SGCD: variants seen among roughly 807,000 people sequenced by gnomAD.
SGCD encodes the protein delta-sarcoglycan.
Under a neutral mutation model 36.6 loss-of-function variants are expected in SGCD, and 18 were observed. That is an observed-to-expected ratio of 0.49 (90% CI 0.34 to 0.73). The LOEUF (loss-of-function observed/expected upper bound fraction) is 0.73. Ranked by LOEUF, SGCD falls within the 30% of genes least tolerant of loss-of-function variation. The pLI, the probability that SGCD is intolerant of heterozygous loss-of-function variation, is 0.01. For synonymous variants in SGCD, 133 were observed against 130.6 expected, an observed-to-expected ratio of 1.02 and a Z score of -0.12; for missense variants, 387 against 346.7, an observed-to-expected ratio of 1.12 and a Z score of -0.92.
At chr5:155,814,441 G>A in the SGCD span, among the ~76,000 whole-genome samples, 1 of 152,140 alleles carries the variant, frequency 6.6e-6, no homozygotes, top group Admixed American at 6.5e-5. Flanking sequence ...TTATTAATAA[G>A]AGAATTGAAC....
intron 1 of SGCD, among the ~76,000 whole-genome samples, chr5:156,037,437 C>T (rs1393580433): frequency 1.3e-5 from 2 of 152,190 alleles, no homozygotes; most frequent in African/African-American, 2.4e-5. Flanking sequence ...TCTTTGCATT[C>T]CCCTGATGGC....
At chr5:156,380,963 C>T (rs978256862) in intron 3 of SGCD, among the ~76,000 whole-genome samples, 3 of 152,182 alleles carry the variant, frequency 2.0e-5, no homozygotes, top group African/African-American at 7.2e-5. Flanking sequence ...GACACCGTTT[C>T]AGTAACTTAG....
At chr5:156,003,379 G>T (rs982014979) in intron 1 of SGCD, among the ~76,000 whole-genome samples, 2 of 152,204 alleles carry the variant, frequency 1.3e-5, no homozygotes, top group Non-Finnish European at 2.9e-5. Context: ...AATTCTGGAA[G>T]TGTGAACAAT....
At chr5:156,683,306 T>G (rs1383730085) in intron 7 of SGCD, among the ~76,000 whole-genome samples, 1 of 152,230 alleles carries the variant, frequency 6.6e-6, no homozygotes, top group African/African-American at 2.4e-5. Context: ...TAGGTGTATT[T>G]CCTTCATCTT....
intron 5 of SGCD, among the ~76,000 whole-genome samples, chr5:156,592,644 C>G (rs182850208): frequency 4.4e-4 from 67 of 152,242 alleles, no homozygotes; most frequent in Non-Finnish European, 4.6e-4. Flanking sequence ...GAGCTCCATT[C>G]CAGACTGAGA....
intron 3 of SGCD, among the ~76,000 whole-genome samples, chr5:156,220,112 T>A (rs962355816): frequency 5.9e-5 from 9 of 152,220 alleles, no homozygotes; most frequent in Non-Finnish European, 1.0e-4. Context: ...TATACATATT[T>A]AAGAATTCAT....
chr5:156,111,917 T>G (rs543024675), intron 1 of SGCD, among the ~76,000 whole-genome samples: 1 of 152,200 alleles, frequency 6.6e-6, no homozygotes, highest in Admixed American at 6.5e-5. Flanking sequence ...TAGCCAAGAC[T>G]ACAGGCACGT....
chr5:156,390,782 T>C (rs1251927800), intron 3 of SGCD, among the ~76,000 whole-genome samples: 1 of 152,106 alleles, frequency 6.6e-6, no homozygotes, highest in Non-Finnish European at 1.5e-5. Flanking sequence ...ATAAAACTTA[T>C]AGAATAAGGG....
At chr5:156,135,855 AT>A (rs1762442915) in intron 3 of SGCD, among the ~76,000 whole-genome samples, 1 of 152,166 alleles carries the variant, frequency 6.6e-6, no homozygotes, top group South Asian at 2.1e-4. Context: ...TATATTTTAG[AT>A]TCCTGAAGGT....
At chr5:156,079,241 G>A (rs541562024) in intron 1 of SGCD, among the ~76,000 whole-genome samples, 3 of 152,012 alleles carry the variant, frequency 2.0e-5, no homozygotes, top group South Asian at 2.1e-4. Flanking sequence ...ACTGAGCCAC[G>A]AGGGATCTGC....
the SGCD span, among the ~76,000 whole-genome samples, chr5:155,851,682 C>T: frequency 3.3e-5 from 5 of 152,206 alleles, no homozygotes; most frequent in African/African-American, 1.2e-4. Flanking sequence ...GGCCCTTCTC[C>T]ACTTTTTCCA....
chr5:155,789,828 T>C, the SGCD span, among the ~76,000 whole-genome samples: 1 of 152,120 alleles, frequency 6.6e-6, no homozygotes, highest in South Asian at 2.1e-4. Context: ...GTTAAATTAT[T>C]TGCCACACGT....
chr5:156,385,851 T>C (rs1320122142), intron 3 of SGCD, among the ~76,000 whole-genome samples: 2 of 152,372 alleles, frequency 1.3e-5, no homozygotes, highest in South Asian at 2.1e-4. Context: ...TGCTAAGTGA[T>C]ATTTACATGT....
chr5:156,174,104 G>T (rs1396850676), intron 3 of SGCD, among the ~76,000 whole-genome samples: 1 of 152,210 alleles, frequency 6.6e-6, no homozygotes, highest in Non-Finnish European at 1.5e-5. Flanking sequence ...TTTACTATGT[G>T]CTGGCTGCCG....
At chr5:156,532,704 G>T (rs1233808493) in intron 4 of SGCD, among the ~76,000 whole-genome samples, 1 of 152,094 alleles carries the variant, frequency 6.6e-6, no homozygotes, top group Non-Finnish European at 1.5e-5. Context: ...CTCATGATCT[G>T]CCCACCTCGG....
chr5:156,493,724 T>A (rs898435353), intron 3 of SGCD, among the ~76,000 whole-genome samples: 4 of 152,174 alleles, frequency 2.6e-5, no homozygotes, highest in African/African-American at 9.6e-5. Context: ...CCAGTTAAAA[T>A]TATTAAACGA....
At chr5:156,728,821 A>G (rs10515742) in intron 7 of SGCD, among the ~76,000 whole-genome samples, 11,223 of 152,204 alleles carry the variant, frequency 0.074, 530 homozygotes, top group African/African-American at 0.13. Flanking sequence ...CAAAAACATC[A>G]CTTGTATAAA....
chr5:155,737,769 C>A, the SGCD span, among the ~76,000 whole-genome samples: 1 of 152,186 alleles, frequency 6.6e-6, no homozygotes, highest in Non-Finnish European at 1.5e-5. Flanking sequence ...AGTCTGTCAG[C>A]AGATTGTTGT....
chr5:156,365,428 T>A (rs1296877316), intron 3 of SGCD, among the ~76,000 whole-genome samples: 1 of 152,220 alleles, frequency 6.6e-6, no homozygotes, highest in Non-Finnish European at 1.5e-5. Context: ...GGTCATTTCC[T>A]CCCCTCACCA....
Sources: gnomAD v4.1 joint callset for allele counts (sites outside exome capture counted in the v4.1 genomes callset) on GRCh38, gnomAD v4.1.1 for gene constraint, MANE v1.5 for transcripts, NCBI Gene and HGNC (gene_info 2026-07-23, HGNC 2026-07-21) for gene names.